FBN1: variants seen among roughly 807,000 people sequenced by gnomAD.
FBN1 encodes fibrillin 1.
In FBN1, 29 loss-of-function variants were observed where a neutral mutation model predicts 365.1. The observed-to-expected ratio is 0.08, with a 90% CI of 0.06 to 0.11. The LOEUF is 0.11. FBN1 is among the 10% of genes least tolerant of loss of function. The probability of loss-of-function intolerance (pLI) is 1.00; values close to 1 mark genes in which losing one functional copy is unlikely to be tolerated. For missense variants in FBN1, 2,476 were observed against 3,703.2 expected (o/e 0.67, Z 8.60); for synonymous variants, 1,210 against 1,270.5 (o/e 0.95, Z 1.01).
In FBN1 at chr15:48,437,761, G is replaced by A; in HGVS notation, c.6313+7C>T. ...GGCCCAGAGAGAAATGCAGATGACA[G>A]ACATACCATCAGGTTCCGTGGGGCA... On this transcript the variant is annotated splice_region_variant and intron_variant, in intron 51 of 65. Transcript: ENST00000316623. 2 of 1,613,484 alleles carry A rather than the reference G, an allele frequency of 1.2e-6. No individual in the cohort carries two copies. Among genetic ancestry groups the A allele is most frequent in the Non-Finnish European group, 1.7e-6 (2 of 1,179,780 alleles).
rs542691763 is a variant in FBN1, at chr15:48,449,504, A to G, written c.5546-611T>C. Reference sequence around the variant, plus strand: ...TCTTTCTTTTTACTCTCATCCATTCAAAAGGAAGCCCTCTCATCTTGCTTC... The same window carrying G: ...TCTTTCTTTTTACTCTCATCCATTCGAAAGGAAGCCCTCTCATCTTGCTTC... On this transcript the variant is annotated intron_variant, in intron 45 of 65. Coordinates refer to ENST00000316623, the MANE Select transcript of FBN1 (RefSeq NM_000138.5). 5.3e-5 allele frequency among the ~76,000 whole-genome samples: 8 copies of G among 152,276 alleles called. No individual in the cohort carries two copies. The South Asian group carries it at 1.7e-3, about 32-fold the overall frequency.
chr15:48,610,578 C>A lies in FBN1; in HGVS notation c.346+150G>T, dbSNP rs570288350. 9.0e-6 allele frequency: 6 copies of A among 663,620 alleles called. No individual in the cohort carries two copies. In the Admixed American group the frequency reaches 9.4e-5, roughly 10 times the overall value. The allele number at this position is 663,620 out of a possible 1,614,324, so 41.1% of individuals were successfully genotyped here. On this transcript the variant is annotated intron_variant, in intron 4 of 65. Transcript: ENST00000316623. The stretch of plus-strand genomic sequence containing the variant: ...AAATGAGAGGCCAGATGAAGGAAAG[C>A]CTTTCCAAGTATTTTGGGCAGAACA...
In FBN1 at chr15:48,425,851, G is replaced by A; in HGVS notation, c.7218C>T (p.Cys2406=). The change falls in exon 59 of 66, where the codon TGC becomes TGT. Residue 2406 remains cysteine (C), a synonymous_variant. Coordinates refer to ENST00000316623, the MANE Select transcript of FBN1 (RefSeq NM_000138.5). ...FMTNGADIDE[C]KVIHDVCRNG... is the part of the protein sequence containing the mutation. The stretch of plus-strand genomic sequence containing the variant: ...TTCGGCAAACATCGTGAATAACCTT[G>A]CATTCATCGATATCTGTAATTTAAC... 6.2e-7 allele frequency: 1 copy of A among 1,609,126 alleles called. No homozygotes were observed. Among genetic ancestry groups the A allele is most frequent in the Middle Eastern group, 1.7e-4 (1 of 6,050 alleles).
At chr15:48,452,752 C>A in intron 44 of FBN1, 68 bp from the exon 45 acceptor site, 1 of 1,539,602 alleles carries the variant, frequency 6.5e-7, no homozygotes, top group Non-Finnish European at 9.0e-7. Flanking sequence ...AAGCCTCTCA[C>A]ATGAAAACAA....
rs1461938183 is a variant in FBN1 at position 48,513,635 on chromosome 15, C to G, written c.1502G>C (p.Gly501Ala). Residue 501 changes from glycine to alanine, a missense_variant, in exon 13 of 66, where the codon GGT becomes GCT. By Grantham distance (60) the Gly-to-Ala change is moderately conservative (BLOSUM62 0). Transcript: ENST00000316623. ...VDECEKNPCA[G>A]GECINNQGSY... Reference sequence around the variant, plus strand: ...ACCCTGGTTGTTAATACACTCACCACCAGCACAGGGGTTTTTCTCACATTC... The same window carrying G: ...ACCCTGGTTGTTAATACACTCACCAGCAGCACAGGGGTTTTTCTCACATTC... 1 of 1,614,004 alleles carries G rather than the reference C, an allele frequency of 6.2e-7. No homozygotes were observed. Among genetic ancestry groups the G allele is most frequent in the Non-Finnish European group, 8.5e-7 (1 of 1,179,922 alleles).
At chr15:48,547,362 C>T (rs560741553) in intron 6 of FBN1, among the ~76,000 whole-genome samples, 5 of 152,260 alleles carry the variant, frequency 3.3e-5, no homozygotes, top group Middle Eastern at 3.4e-3. Flanking sequence ...CAGAGGAACT[C>T]CACTGCCCCT....
rs76951679 is a variant in FBN1, at chr15:48,508,546, C to G, written c.1837+36G>C. 7.4e-6 allele frequency: 12 copies of G among 1,612,904 alleles called. No homozygotes were observed. In the African/African-American group the frequency reaches 1.5e-4, roughly 20 times the overall value. On this transcript the variant is annotated intron_variant, in intron 15 of 65. Transcript: ENST00000316623. ...AACAACATAAGGAGGAGAAAAGGCA[C>G]GTGAAGAACATGATCTAGGGTTTTA...
chr15:48,409,271 T>C lies in FBN1; in HGVS notation c.*1719A>G, dbSNP rs2042842104. On this transcript the variant is annotated 3_prime_UTR_variant, in exon 66 of 66. Coordinates refer to ENST00000316623, the MANE Select transcript of FBN1 (RefSeq NM_000138.5). The stretch of plus-strand genomic sequence containing the variant: ...GTGAGTAGCTCTATAATTGGGACCG[T>C]GTGTATTAAACTGGGGCTGACATCA... The C allele has an allele frequency of 6.6e-6, 1 of 152,168 alleles. No individual in the cohort carries two copies. The highest frequency in any genetic ancestry group is 2.4e-5 in the African/African-American group (1 of 41,436). 9.4% of individuals were successfully genotyped at this position (152,168 alleles called of 1,614,324 possible).
chr15:48,429,249 GT>G (rs1256823937), intron 56 of FBN1, among the ~76,000 whole-genome samples: 2 of 152,134 alleles, frequency 1.3e-5, no homozygotes, highest in Non-Finnish European at 2.9e-5. Context: ...AATAATATCT[GT>G]AATGGTCAAT....
At chr15:48,466,277 C>G (rs1430270466) in intron 38 of FBN1, among the ~76,000 whole-genome samples, 1 of 152,186 alleles carries the variant, frequency 6.6e-6, no homozygotes, top group Non-Finnish European at 1.5e-5. Context: ...TTTCCAAAAC[C>G]CTTTCCAAAT....
intron 6 of FBN1, among the ~76,000 whole-genome samples, chr15:48,553,343 T>C (rs2044157269): frequency 6.6e-6 from 1 of 152,196 alleles, no homozygotes; most frequent in Non-Finnish European, 1.5e-5. Flanking sequence ...AATGGAATTT[T>C]GGAGTTATTC....
intron 2 of FBN1, among the ~76,000 whole-genome samples, chr15:48,620,126 C>T (rs1889738558): frequency 6.6e-6 from 1 of 152,154 alleles, no homozygotes; most frequent in African/African-American, 2.4e-5. Context: ...AAAAACATTG[C>T]TGAGCAATCA....
chr15:48,466,768 G>A (rs1223883213), intron 38 of FBN1, among the ~76,000 whole-genome samples: 1 of 152,070 alleles, frequency 6.6e-6, no homozygotes, highest in East Asian at 1.9e-4. Context: ...AAGTGTCTTA[G>A]TTTGCCCCCT....
intron 23 of FBN1, among the ~76,000 whole-genome samples, chr15:48,492,900 T>C (rs1459046971): frequency 6.6e-6 from 1 of 152,214 alleles, no homozygotes; most frequent in Non-Finnish European, 1.5e-5. Flanking sequence ...TTCCCAGCAA[T>C]ATAATTTGCT....
intron 32 of FBN1, among the ~76,000 whole-genome samples, 178 bp downstream of exon 32, chr15:48,481,477 T>G (rs999617657): frequency 6.6e-6 from 1 of 152,116 alleles, no homozygotes; most frequent in Non-Finnish European, 1.5e-5. Context: ...GCAACTTGGA[T>G]CCAATATAAA....
In FBN1 at chr15:48,474,640, T is replaced by C. The variant is rs1555397741; in HGVS notation, c.3975A>G (p.Glu1325=). 3.1e-6 allele frequency: 5 copies of C among 1,614,146 alleles called. No homozygotes were observed. Among genetic ancestry groups the C allele is most frequent in the South Asian group, 1.1e-5 (1 of 91,076 alleles). ...KGKTGCTDIN[E]CEIGAHNCGK... The stretch of plus-strand genomic sequence containing the variant: ...CACAGTTGTGTGCTCCAATTTCACA[T>C]TCATTGATGTCTGGAAAAATGAGCA... Residue 1325 remains glutamate (E), a synonymous_variant, in exon 33 of 66, where the codon GAA becomes GAG. Coordinates refer to ENST00000316623, the MANE Select transcript of FBN1 (RefSeq NM_000138.5).
chr15:48,560,906 G>A (rs943626263), intron 6 of FBN1, among the ~76,000 whole-genome samples: 4 of 152,052 alleles, frequency 2.6e-5, no homozygotes, highest in African/African-American at 9.7e-5. Flanking sequence ...ACCTCTCTGG[G>A]TCATAATTTC....
intron 38 of FBN1, among the ~76,000 whole-genome samples, chr15:48,466,821 T>C (rs2043326781): frequency 6.6e-6 from 1 of 152,144 alleles, no homozygotes; most frequent in South Asian, 2.1e-4. Flanking sequence ...TTACTTGTTC[T>C]CCTCTTTCTG....
intron 23 of FBN1, 143 bp from the exon 24 acceptor site, chr15:48,492,729 T>A (rs2043572350): frequency 1.5e-6 from 1 of 680,654 alleles, no homozygotes; most frequent in Non-Finnish European, 2.5e-6. Context: ...TTGTGTAGAA[T>A]TTCTAGGGTG....
Sources: allele counts gnomAD v4.1 joint callset (sites outside exome capture counted in the v4.1 genomes callset), GRCh38; gene constraint gnomAD v4.1.1; transcripts MANE v1.5; gene names NCBI Gene and HGNC (gene_info 2026-07-23, HGNC 2026-07-21).